Variants in NHS observed in about 807,000 individuals in gnomAD.
NHS encodes NHS actin remodeling regulator.
In NHS, 5 loss-of-function variants were observed where a neutral mutation model predicts 72.5. The ratio of observed to expected loss-of-function variants is 0.07; its 90% CI spans 0.04 to 0.14. NHS has a LOEUF of 0.14. NHS is among the 10% of genes least tolerant of loss of function. The probability of loss-of-function intolerance (pLI) is 1.00; values close to 1 mark genes in which losing one functional copy is unlikely to be tolerated. For synonymous variants in NHS, 464 were observed against 547.7 expected (o/e 0.85, Z 2.13); for missense variants, 1,072 against 1,355.7 (o/e 0.79, Z 3.29).
In NHS at chrX:17,724,418, C is replaced by G. The variant is rs375878222; in HGVS notation, c.1228C>G (p.Gln410Glu). The G allele has an allele frequency of 1.9e-4, 225 of 1,210,050 alleles. No homozygotes were observed. Among genetic ancestry groups the G allele is most frequent in the Non-Finnish European group, 2.4e-4 (218 of 895,241 alleles). ...KTISGIPRRV[Q>E]QEIDSDESPV... The stretch of plus-strand genomic sequence containing the variant: ...CATCTCGGGTATCCCCAGAAGAGTT[C>G]AACAAGAAATAGGTGTGATATCAAA... The change falls in exon 6 of 9, where the codon CAA (glutamine) becomes GAA (glutamate). Residue 410 changes from glutamine (Q) to glutamate (E), a missense_variant. By Grantham distance (29) the Gln-to-Glu change is conservative (BLOSUM62 2). Coordinates refer to ENST00000676302, the MANE Select transcript of NHS (RefSeq NM_001291867.2).
chrX:17,607,353 A>T (rs2065685665), intron 1 of NHS, among the ~76,000 whole-genome samples: 1 of 112,222 alleles, frequency 8.9e-6, no homozygotes, highest in Non-Finnish European at 1.9e-5. Flanking sequence ...TGCCAAGGAT[A>T]CAACAGTGAA....
At chrX:17,683,307 G>T (rs147392412) in intron 1 of NHS, among the ~76,000 whole-genome samples, 151 of 112,369 alleles carry the variant, frequency 1.3e-3, no homozygotes, top group Non-Finnish European at 2.6e-3. Context: ...TATACCTGAT[G>T]CTATGGATGA....
chrX:17,409,152 C>A (rs1016099814), intron 1 of NHS, among the ~76,000 whole-genome samples: 2 of 112,394 alleles, frequency 1.8e-5, no homozygotes, highest in African/African-American at 6.5e-5. Flanking sequence ...TGGGTACAAA[C>A]AATCAGTTCA....
intron 1 of NHS, among the ~76,000 whole-genome samples, chrX:17,559,125 C>A (rs1242309070): frequency 8.9e-6 from 1 of 111,862 alleles, no homozygotes; most frequent in Admixed American, 9.5e-5. Flanking sequence ...CTATGTGGCT[C>A]CCTGAGAGGG....
intron 1 of NHS, among the ~76,000 whole-genome samples, chrX:17,507,750 C>T (rs993163223): frequency 1.8e-5 from 2 of 111,521 alleles, no homozygotes; most frequent in African/African-American, 3.3e-5. Flanking sequence ...ATTAGCTGAG[C>T]AAAAGGTGTG....
intron 1 of NHS, among the ~76,000 whole-genome samples, chrX:17,643,999 A>G (rs757384162): frequency 8.9e-6 from 1 of 112,481 alleles, no homozygotes; most frequent in Non-Finnish European, 1.9e-5. Flanking sequence ...TGCAGGGACT[A>G]TATTTTATCT....
chrX:17,532,278 G>A (rs1369453439), intron 1 of NHS, among the ~76,000 whole-genome samples: 3 of 111,742 alleles, frequency 2.7e-5, no homozygotes, highest in Non-Finnish European at 3.8e-5. Context: ...AGTGCAAAGC[G>A]GAAGCCATTT....
intron 1 of NHS, among the ~76,000 whole-genome samples, chrX:17,429,074 G>A (rs1374721536): frequency 8.9e-6 from 1 of 111,732 alleles, no homozygotes; most frequent in Non-Finnish European, 1.9e-5. Flanking sequence ...ACACACTTGT[G>A]GAATTCTATA....
At chrX:17,458,005 A>G (rs2064832079) in intron 1 of NHS, among the ~76,000 whole-genome samples, 1 of 111,845 alleles carries the variant, frequency 8.9e-6, no homozygotes, top group Non-Finnish European at 1.9e-5. Flanking sequence ...TATTCTATTG[A>G]GCCTCTACTA....
At chrX:17,718,053 C>T (rs1043583621) in intron 3 of NHS, among the ~76,000 whole-genome samples, 1 of 111,105 alleles carries the variant, frequency 9.0e-6, no homozygotes, top group Non-Finnish European at 1.9e-5. Flanking sequence ...TAGTAGCTGG[C>T]ACTAATGTAC....
chrX:17,575,124 G>A (rs765358757), intron 1 of NHS, among the ~76,000 whole-genome samples: 18 of 112,500 alleles, frequency 1.6e-4, no homozygotes, highest in African/African-American at 5.5e-4. Flanking sequence ...GCCTCCCTAC[G>A]TCCACTAGTG....
chrX:17,576,038 T>C (rs958627904), intron 1 of NHS, among the ~76,000 whole-genome samples: 3 of 111,833 alleles, frequency 2.7e-5, no homozygotes, highest in Admixed American at 1.9e-4. Flanking sequence ...CTTGGCCTTG[T>C]GGCAGGATGC....
At chrX:17,471,332 G>T (rs1257223595) in intron 1 of NHS, among the ~76,000 whole-genome samples, 1 of 112,301 alleles carries the variant, frequency 8.9e-6, no homozygotes, top group Non-Finnish European at 1.9e-5. Flanking sequence ...CTATGATGAG[G>T]CTTGCTGACT....
chrX:17,457,881 T>C (rs1378730755), intron 1 of NHS, among the ~76,000 whole-genome samples: 2 of 111,942 alleles, frequency 1.8e-5, no homozygotes, highest in African/African-American at 6.5e-5. Flanking sequence ...TCAGTGCTTG[T>C]TGACTCATTG....
chrX:17,671,681 T>C (rs1185694691), intron 1 of NHS, among the ~76,000 whole-genome samples: 1 of 112,100 alleles, frequency 8.9e-6, no homozygotes, highest in Non-Finnish European at 1.9e-5. Context: ...TAAAACAGTG[T>C]ATGGGTGGTC....
chrX:17,507,222 A>G (rs185321249), intron 1 of NHS, among the ~76,000 whole-genome samples: 1 of 112,350 alleles, frequency 8.9e-6, no homozygotes, highest in Non-Finnish European at 1.9e-5. Flanking sequence ...GCCATATATT[A>G]TGGGCTTCAT....
At chrX:17,454,819 C>G (rs1405488153) in intron 1 of NHS, among the ~76,000 whole-genome samples, 1 of 112,181 alleles carries the variant, frequency 8.9e-6, no homozygotes, top group African/African-American at 3.2e-5. Flanking sequence ...ATGTCAATTT[C>G]TTCTTGCTGT....
chrX:17,721,420 C>A (rs199565735), intron 4 of NHS, 21 bp from the exon 5 acceptor site: 62 of 1,202,345 alleles, frequency 5.2e-5, no homozygotes, highest in Non-Finnish European at 9.0e-6. Context: ...ATGGCTGAAC[C>A]TGATTGTACT....
intron 3 of NHS, among the ~76,000 whole-genome samples, chrX:17,713,054 G>C (rs1459848255): frequency 2.7e-5 from 3 of 111,872 alleles, no homozygotes; most frequent in Non-Finnish European, 5.6e-5. Flanking sequence ...TACTAAACAT[G>C]TTGGGAAGAC....
Sources: allele counts gnomAD v4.1 joint callset (sites outside exome capture counted in the v4.1 genomes callset), GRCh38; gene constraint gnomAD v4.1.1; transcripts MANE v1.5; gene names NCBI Gene and HGNC (gene_info 2026-07-23, HGNC 2026-07-21).